HYCC2: variants seen among roughly 807,000 people sequenced by gnomAD.
HYCC2 encodes hyccin PI4KA lipid kinase complex subunit 2.
chr2:200,979,262 C>A, the HYCC2 span: 1 of 122,994 alleles, frequency 8.1e-6, no homozygotes. Flanking sequence ...ATATACACAC[C>A]ATACACACAC....
chr2:201,043,036 C>T, the HYCC2 span, among the ~76,000 whole-genome samples: 1 of 152,176 alleles, frequency 6.6e-6, no homozygotes, highest in South Asian at 2.1e-4. Context: ...GTTATTGTGT[C>T]TGTGTAGAAA....
At chr2:201,063,070 C>A in the HYCC2 span, 10 of 1,608,248 alleles carry the variant, frequency 6.2e-6, no homozygotes, top group Non-Finnish European at 8.5e-6. Flanking sequence ...TCGTTAAAGT[C>A]TCTCTTCACC....
the HYCC2 span, among the ~76,000 whole-genome samples, chr2:201,068,890 T>C: frequency 6.6e-6 from 1 of 151,682 alleles, no homozygotes; most frequent in East Asian, 1.9e-4. Context: ...ACTGACCAGA[T>C]AAAGTGTAAA....
chr2:201,017,883 T>C, the HYCC2 span, among the ~76,000 whole-genome samples: 1 of 152,222 alleles, frequency 6.6e-6, no homozygotes, highest in Admixed American at 6.5e-5. Flanking sequence ...CACTGCAATA[T>C]GAAATTTATT....
the HYCC2 span, among the ~76,000 whole-genome samples, chr2:201,036,179 C>T: frequency 3.3e-5 from 5 of 152,146 alleles, no homozygotes; most frequent in Non-Finnish European, 5.9e-5. Flanking sequence ...TATACCCTCC[C>T]AAGACTAAAC....
At chr2:201,020,653 A>T in the HYCC2 span, among the ~76,000 whole-genome samples, 1 of 152,230 alleles carries the variant, frequency 6.6e-6, no homozygotes, top group East Asian at 1.9e-4. Flanking sequence ...TCCAGGCCTA[A>T]GTAGAACAGA....
At chr2:201,007,886 C>A in the HYCC2 span, among the ~76,000 whole-genome samples, 1 of 152,160 alleles carries the variant, frequency 6.6e-6, no homozygotes, top group East Asian at 1.9e-4. Context: ...CTCCCATTAC[C>A]AATACTTTGT....
At chr2:201,012,175 T>C in the HYCC2 span, among the ~76,000 whole-genome samples, 18 of 152,262 alleles carry the variant, frequency 1.2e-4, no homozygotes, top group East Asian at 2.9e-3. Context: ...TTAATAATTA[T>C]TGGGCCAGGT....
At chr2:201,023,041 G>A in the HYCC2 span, 1 of 720,524 alleles carries the variant, frequency 1.4e-6, no homozygotes, top group Non-Finnish European at 2.3e-6. Context: ...AGTGAGAAAA[G>A]TAAAAATAAT....
the HYCC2 span, chr2:201,063,050 C>T: frequency 9.3e-6 from 15 of 1,606,166 alleles, no homozygotes; most frequent in Admixed American, 1.7e-5. Context: ...TGGACGCCGC[C>T]GAAGAAGCAT....
the HYCC2 span, among the ~76,000 whole-genome samples, chr2:201,033,551 C>A: frequency 3.3e-5 from 5 of 151,732 alleles, no homozygotes; most frequent in Non-Finnish European, 5.9e-5. Flanking sequence ...CTACAGGCGC[C>A]CGCCACCACG....
the HYCC2 span, among the ~76,000 whole-genome samples, chr2:201,014,548 A>G: frequency 6.6e-6 from 1 of 152,202 alleles, no homozygotes; most frequent in Non-Finnish European, 1.5e-5. Context: ...AACTGAAGTC[A>G]AGATATTAAG....
chr2:201,014,011 G>A, the HYCC2 span, among the ~76,000 whole-genome samples: 1 of 152,100 alleles, frequency 6.6e-6, no homozygotes, highest in South Asian at 2.1e-4. Flanking sequence ...CAGACATCGA[G>A]GGAATCAAAA....
At chr2:201,028,443 A>G in the HYCC2 span, among the ~76,000 whole-genome samples, 8 of 152,224 alleles carry the variant, frequency 5.3e-5, no homozygotes, top group African/African-American at 1.9e-4. Context: ...GACTTTCTTC[A>G]CAGAATTGGA....
At chr2:200,987,946 T>A in the HYCC2 span, among the ~76,000 whole-genome samples, 12 of 152,336 alleles carry the variant, frequency 7.9e-5, no homozygotes, top group African/African-American at 2.9e-4. Context: ...AGTGCTCATA[T>A]GTGCACCTTT....
At chr2:201,018,307 T>C in the HYCC2 span, among the ~76,000 whole-genome samples, 1 of 152,084 alleles carries the variant, frequency 6.6e-6, no homozygotes, top group South Asian at 2.1e-4. Context: ...ATATAAAATA[T>C]TGACAAGAAA....
At chr2:200,995,602 A>C in the HYCC2 span, among the ~76,000 whole-genome samples, 1 of 152,210 alleles carries the variant, frequency 6.6e-6, no homozygotes, top group South Asian at 2.1e-4. Flanking sequence ...ACAAGGAGCA[A>C]AGGATGGCTT....
the HYCC2 span, among the ~76,000 whole-genome samples, chr2:201,030,703 C>T: frequency 9.2e-5 from 14 of 151,908 alleles, no homozygotes; most frequent in Non-Finnish European, 1.9e-4. Flanking sequence ...CTCGGCCTCC[C>T]AAGTAGCTGG....
At chr2:201,005,868 T>C in the HYCC2 span, among the ~76,000 whole-genome samples, 1 of 152,202 alleles carries the variant, frequency 6.6e-6, no homozygotes, top group Non-Finnish European at 1.5e-5. Context: ...AGTTTCACTC[T>C]GTCGCCAAGG....
Sources: gnomAD v4.1 joint callset for allele counts (sites outside exome capture counted in the v4.1 genomes callset) on GRCh38, gnomAD v4.1.1 for gene constraint, MANE v1.5 for transcripts, NCBI Gene and HGNC (gene_info 2026-07-23, HGNC 2026-07-21) for gene names.